The following PITHD1 variants were observed in gnomAD, a reference collection of about 807,000 sequenced individuals.
The protein encoded by PITHD1 is PITH domain-containing protein 1.
PITHD1 carries 8 observed loss-of-function variants against 27.5 expected under a neutral mutation model. The observed-to-expected ratio is 0.29, with a 90% confidence interval of 0.17 to 0.52. The LOEUF (loss-of-function observed/expected upper bound fraction) is 0.52. Among genes scored for constraint, PITHD1 ranks in the 20% least tolerant of loss-of-function variants. PITHD1 has a pLI of 0.96. For synonymous variants in PITHD1, 118 were observed against 106.8 expected (o/e 1.10, Z -0.64); for missense variants, 233 against 283.9 (o/e 0.82, Z 1.29).
intron 3 of PITHD1, among the ~76,000 whole-genome samples, chr1:23,783,430 CGTGTGT>C (rs35540755): frequency 2.8e-4 from 38 of 134,412 alleles, no homozygotes; most frequent in East Asian, 1.1e-3. Flanking sequence ...CGTATATATA[CGTGTGT>C]GTGTGTGTGT....
rs1199462596 is a variant in PITHD1, at chr1:23,779,462, G to C, written c.223G>C (p.Glu75Gln). 2 of 1,612,870 alleles carry C rather than the reference G, an allele frequency of 1.2e-6. No individual in the cohort carries two copies. Among genetic ancestry groups the C allele is most frequent in the Non-Finnish European group, 1.7e-6 (2 of 1,179,036 alleles). Residue 75 changes from glutamate (E) to glutamine (Q), a missense_variant, in exon 2 of 6, where the codon GAG becomes CAG. Physicochemically the swap from Glu to Gln is conservative, Grantham distance 29. Coordinates refer to ENST00000246151, the MANE Select transcript of PITHD1 (RefSeq NM_020362.5). ...SKFVESDADE[E>Q]LLFNIPFTGN... ...GTTTGTTGAAAGTGATGCAGATGAA[G>C]AGCTTCTGTTTAATATTCCGTAAGT...
chr1:23,787,214 G>A (rs1638698306), intron 5 of PITHD1, 61 bp from the exon 6 acceptor site: 1 of 1,021,958 alleles, frequency 9.8e-7, no homozygotes. Context: ...CGCAATGTGT[G>A]TGGTGTGGGA....
chr1:23,786,462 A>G (rs759524749), intron 5 of PITHD1, 39 bp downstream of exon 5: 3 of 909,014 alleles, frequency 3.3e-6, no homozygotes, highest in African/African-American at 3.3e-5. Context: ...TCATGTCTAC[A>G]TATCTGCACA....
At chr1:23,783,941 T>C (rs557528348) in intron 3 of PITHD1, among the ~76,000 whole-genome samples, 1 of 152,160 alleles carries the variant, frequency 6.6e-6, no homozygotes, top group Non-Finnish European at 1.5e-5. Flanking sequence ...TAGTAAAGTT[T>C]TTTCAATATA....
Position 23,779,427 on chromosome 1 carries a change from A to G in PITHD1, c.199-11A>G, listed in dbSNP as rs749422906. 1 of 1,605,872 alleles carries G rather than the reference A, an allele frequency of 6.2e-7. No homozygotes were observed. Among genetic ancestry groups the G allele is most frequent in the African/African-American group, 1.3e-5 (1 of 74,692 alleles). ...TGTTGCTTTCTCCTCCCCCCTCCCC[A>G]TCCCCTCCAGTTTGTTGAAAGTGAT... is the stretch of plus-strand genomic sequence containing the variant. On this transcript the variant is annotated splice_polypyrimidine_tract_variant and intron_variant, in intron 1 of 5. Coordinates refer to ENST00000246151, the MANE Select transcript of PITHD1 (RefSeq NM_020362.5).
intron 1 of PITHD1, 41 bp downstream of exon 1, chr1:23,778,754 T>C (rs986079638): frequency 8.7e-7 from 1 of 1,147,664 alleles, no homozygotes; most frequent in Non-Finnish European, 1.1e-6. Context: ...GCAGGGTGCG[T>C]GTGGGGCCTC....
At chr1:23,780,046 T>G in intron 3 of PITHD1, 105 bp downstream of exon 3, 1 of 745,242 alleles carries the variant, frequency 1.3e-6, no homozygotes, top group Non-Finnish European at 2.3e-6. Context: ...GTTTAATATT[T>G]CCCCTTTTAA....
At position 23,787,352 on chromosome 1, in the gene PITHD1, C is replaced by G; in HGVS notation, c.612C>G (p.Thr204=). ...NPADHRVHQV[T]PQTHFIS Reference sequence around the variant, plus strand: ...CAGACCATAGGGTCCATCAGGTTACCCCACAGACACACTTTATTTCCTAAG... The same window carrying G: ...CAGACCATAGGGTCCATCAGGTTACGCCACAGACACACTTTATTTCCTAAG... Residue 204 remains threonine (T), a synonymous_variant, in exon 6 of 6, where the codon ACC becomes ACG. Transcript: ENST00000246151. 1 of 1,607,138 alleles carries G rather than the reference C, an allele frequency of 6.2e-7. No individual in the cohort carries two copies. Among genetic ancestry groups the G allele is most frequent in the East Asian group, 2.2e-5 (1 of 44,806 alleles).
Position 23,787,481 on chromosome 1 carries a change from C to A in PITHD1, c.*105C>A. ...CTCCAGAGAGAGTTGGCTGCCACAG[C>A]CTCTGCCAAGCTTTGTCTTTGGGGC... On this transcript the variant is annotated 3_prime_UTR_variant, in exon 6 of 6. Transcript: ENST00000246151. 2 of 672,260 alleles carry A rather than the reference C, an allele frequency of 3.0e-6. No individual in the cohort carries two copies. The highest frequency in any genetic ancestry group is 2.6e-6 in the Non-Finnish European group (1 of 377,448). The allele number at this position is 672,260 out of a possible 1,614,324, so 41.6% of individuals were successfully genotyped here.
intron 3 of PITHD1, among the ~76,000 whole-genome samples, chr1:23,780,453 CT>C (rs1638580012): frequency 6.6e-6 from 1 of 152,210 alleles, no homozygotes; most frequent in Non-Finnish European, 1.5e-5. Context: ...TTTTTGACAA[CT>C]TACCTTATTC....
chr1:23,786,533 T>G, intron 5 of PITHD1, 110 bp downstream of exon 5: 2 of 411,700 alleles, frequency 4.9e-6, no homozygotes, highest in South Asian at 1.6e-4. Context: ...ACTCCCAGTT[T>G]ATTATTTTTC....
At chr1:23,780,347 A>G (rs1386236662) in intron 3 of PITHD1, among the ~76,000 whole-genome samples, 1 of 152,122 alleles carries the variant, frequency 6.6e-6, no homozygotes, top group Non-Finnish European at 1.5e-5. Context: ...TTTTGTTGAC[A>G]TGGAATTGCT....
chr1:23,785,463 A>G (rs545912452), intron 3 of PITHD1, among the ~76,000 whole-genome samples: 2 of 151,298 alleles, frequency 1.3e-5, no homozygotes, highest in South Asian at 4.2e-4. Context: ...ATTGCACTCC[A>G]GCCTGGGTGA....
At chr1:23,783,362 TATATATACACATATATGTGTATATATAC>T (rs905919602) in intron 3 of PITHD1, among the ~76,000 whole-genome samples, 1 of 140,178 alleles carries the variant, frequency 7.1e-6, no homozygotes, top group Non-Finnish European at 1.6e-5. Flanking sequence ...TATACGCATA[TATATATACACATATATGTGTATATATAC>T]ATATATACGC....
At chr1:23,779,359 C>A in intron 1 of PITHD1, 79 bp from the exon 2 acceptor site, 3 of 1,062,272 alleles carry the variant, frequency 2.8e-6, no homozygotes, top group Non-Finnish European at 4.4e-6. Flanking sequence ...AGTTGTAGAG[C>A]AGGGTGGGAG....
rs1166274561 is a variant in PITHD1, at chr1:23,779,887, A to G, written c.266A>G (p.Lys89Arg). The G allele has an allele frequency of 1.9e-6, 3 of 1,613,660 alleles. No homozygotes were observed. The highest frequency in any genetic ancestry group is 2.2e-5 in the East Asian group (1 of 44,882). ...NIPFTGNVKL[K>R]GIIIMGEDDD... ...AGATTTACGGGCAATGTCAAGCTCAAAGGCATCATTATAATGGGAGAGGAT... is the reference window on the plus strand; with the variant it reads ...AGATTTACGGGCAATGTCAAGCTCAGAGGCATCATTATAATGGGAGAGGAT... The change falls in exon 3 of 6, where the codon AAA becomes AGA. Residue 89 changes from lysine (K) to arginine (R), a missense_variant. Transcript: ENST00000246151.
intron 3 of PITHD1, among the ~76,000 whole-genome samples, chr1:23,782,439 T>C (rs1028352511): frequency 2.6e-5 from 4 of 151,148 alleles, no homozygotes; most frequent in African/African-American, 9.7e-5. Flanking sequence ...AAAAAAAGAA[T>C]TACCACTGGG....
At chr1:23,781,913 C>T (rs1014521433) in intron 3 of PITHD1, among the ~76,000 whole-genome samples, 9 of 151,992 alleles carry the variant, frequency 5.9e-5, no homozygotes, top group African/African-American at 1.7e-4. Context: ...TGAACAGATA[C>T]GAATACATAG....
Position 23,785,704 on chromosome 1 carries a change from A to T in PITHD1, c.350A>T (p.Asp117Val). 1.2e-6 allele frequency: 2 copies of T among 1,606,666 alleles called. No individual in the cohort carries two copies. The highest frequency in any genetic ancestry group is 1.7e-6 in the Non-Finnish European group (2 of 1,173,438). ...AAGAATATTCCACAGATGTCCTTTG[A>T]TGATACAGAAAGGGAGCCAGATCAG... ...LYKNIPQMSFDDTEREPDQTF... is the reference protein window; with the variant it reads ...LYKNIPQMSFVDTEREPDQTF... Residue 117 changes from aspartate (D) to valine (V), a missense_variant, in exon 4 of 6, where the codon GAT (aspartate) becomes GTT (valine). Coordinates refer to ENST00000246151, the MANE Select transcript of PITHD1 (RefSeq NM_020362.5).
Sources: allele counts gnomAD v4.1 joint callset (sites outside exome capture counted in the v4.1 genomes callset), GRCh38; gene constraint gnomAD v4.1.1; transcripts MANE v1.5; gene names NCBI Gene and HGNC (gene_info 2026-07-23, HGNC 2026-07-21).